AGTPBP1: variants seen among roughly 807,000 people sequenced by gnomAD.
AGTPBP1 encodes ATP/GTP binding carboxypeptidase 1, also known as cytosolic carboxypeptidase 1.
Under a neutral mutation model 143.9 loss-of-function variants are expected in AGTPBP1, and 70 were observed. That is an observed-to-expected ratio of 0.49 (90% CI 0.40 to 0.59). AGTPBP1 has a LOEUF of 0.59. AGTPBP1 is among the 20% of genes least tolerant of loss of function. The pLI is 0.00. For missense variants in AGTPBP1, 1,229 were observed against 1,464.5 expected, an observed-to-expected ratio of 0.84 and a Z score of 2.62; for synonymous variants, 463 against 500.2, an observed-to-expected ratio of 0.93 and a Z score of 0.99.
the AGTPBP1 span, among the ~76,000 whole-genome samples, chr9:85,760,964 T>C: frequency 7.9e-5 from 12 of 152,280 alleles, no homozygotes; most frequent in East Asian, 9.7e-4. Context: ...AGCATTCTTA[T>C]ACACCAATAA....
chr9:85,783,010 G>A, the AGTPBP1 span, among the ~76,000 whole-genome samples: 3 of 152,134 alleles, frequency 2.0e-5, no homozygotes, highest in Admixed American at 6.5e-5. Context: ...TGAGGTATCT[G>A]ATATTAGACA....
the AGTPBP1 span, chr9:85,793,392 TACA>T: frequency 6.6e-6 from 1 of 152,174 alleles, no homozygotes; most frequent in Non-Finnish European, 1.5e-5. Context: ...AGCTCCTAAA[TACA>T]ACAAGTGTAT....
the AGTPBP1 span, among the ~76,000 whole-genome samples, chr9:85,796,171 T>C: frequency 6.6e-6 from 1 of 152,146 alleles, no homozygotes; most frequent in Non-Finnish European, 1.5e-5. Flanking sequence ...CATACATACA[T>C]ACATATATAC....
At chr9:85,766,416 A>G in the AGTPBP1 span, among the ~76,000 whole-genome samples, 10 of 152,314 alleles carry the variant, frequency 6.6e-5, no homozygotes, top group Admixed American at 5.2e-4. Flanking sequence ...TAGACAGAAC[A>G]TCTTTGAATA....
At chr9:85,757,578 G>A in the AGTPBP1 span, among the ~76,000 whole-genome samples, 1 of 152,154 alleles carries the variant, frequency 6.6e-6, no homozygotes, top group Non-Finnish European at 1.5e-5. Flanking sequence ...TACCTAGAGA[G>A]ACACAAATGA....
At chr9:85,775,170 G>A in the AGTPBP1 span, among the ~76,000 whole-genome samples, 1 of 152,038 alleles carries the variant, frequency 6.6e-6, no homozygotes, top group South Asian at 2.1e-4. Flanking sequence ...CAAGCGTGGT[G>A]GCACGCACCT....
intron 1 of AGTPBP1, among the ~76,000 whole-genome samples, chr9:85,713,083 C>T (rs1349196969): frequency 1.3e-5 from 2 of 152,194 alleles, no homozygotes; most frequent in African/African-American, 2.4e-5. Flanking sequence ...GTTTAAACAA[C>T]CTTAAATCTC....
At chr9:85,661,161 G>T (rs1322267555) in intron 8 of AGTPBP1, among the ~76,000 whole-genome samples, 188 bp from the exon 9 acceptor site, 1 of 151,802 alleles carries the variant, frequency 6.6e-6, no homozygotes, top group African/African-American at 2.4e-5. Flanking sequence ...AATTGGATAT[G>T]AAAAAGATTG....
At chr9:85,645,448 T>C (rs1311792011) in intron 12 of AGTPBP1, among the ~76,000 whole-genome samples, 2 of 152,182 alleles carry the variant, frequency 1.3e-5, no homozygotes, top group Non-Finnish European at 2.9e-5. Flanking sequence ...GTAGTTTAGA[T>C]TGGCTAACTT....
chr9:85,747,246 A>T, the AGTPBP1 span, among the ~76,000 whole-genome samples: 3 of 152,300 alleles, frequency 2.0e-5, no homozygotes, highest in East Asian at 5.8e-4. Flanking sequence ...GTCTATCCTC[A>T]TGCTAGTATC....
At chr9:85,554,073 C>G (rs1826188315) in intron 25 of AGTPBP1, 1 of 152,210 alleles carries the variant, frequency 6.6e-6, no homozygotes. Context: ...CAGGACTCAG[C>G]ACACAGTTGA....
chr9:85,798,160 C>T, the AGTPBP1 span, among the ~76,000 whole-genome samples: 1 of 151,712 alleles, frequency 6.6e-6, no homozygotes, highest in Non-Finnish European at 1.5e-5. Flanking sequence ...CCTCAGCCTC[C>T]CAAAGTTCTG....
Position 85,619,277 on chromosome 9 carries a change from ATCTCCC to A in AGTPBP1, c.2118_2123del (p.Glu706_Gly707del), listed in dbSNP as rs1261349997. ...CAAATTTGGAGTTAAATTTCAAAAT[ATCTCCC>A]TCTTCTGGAATGGTGTAACTAAATA... On this transcript the variant is annotated inframe_deletion, in exon 16 of 26. Coordinates refer to ENST00000357081, the MANE Select transcript of AGTPBP1 (RefSeq NM_001330701.2). 6.2e-7 allele frequency: 1 copy of A among 1,612,590 alleles called. No homozygotes were observed. Among genetic ancestry groups the A allele is most frequent in the Non-Finnish European group, 8.5e-7 (1 of 1,179,254 alleles).
chr9:85,614,835 T>C lies in AGTPBP1; in HGVS notation c.2335+4148A>G, dbSNP rs73649961. ...ACATGTGTCTAAGAGGTCAAAATAATTGAATTCAAATTCAAAAAGTGAGGA... is the reference window on the plus strand; with the variant it reads ...ACATGTGTCTAAGAGGTCAAAATAACTGAATTCAAATTCAAAAAGTGAGGA... On this transcript the variant is annotated intron_variant, in intron 17 of 25. Transcript: ENST00000357081. 2.5e-3 allele frequency among the ~76,000 whole-genome samples: 385 copies of C among 152,218 alleles called. 2 individuals carry two copies. The highest frequency in any genetic ancestry group is 8.9e-3 in the African/African-American group (371 of 41,556).
chr9:85,561,945 C>T (rs1437803357), intron 25 of AGTPBP1, among the ~76,000 whole-genome samples: 1 of 151,356 alleles, frequency 6.6e-6, no homozygotes, highest in African/African-American at 2.4e-5. Context: ...CAGTTCTCTG[C>T]TTCAGCCTCC....
intron 11 of AGTPBP1, among the ~76,000 whole-genome samples, chr9:85,650,149 C>T (rs1163533755): frequency 6.7e-6 from 1 of 148,456 alleles, no homozygotes; most frequent in Non-Finnish European, 1.5e-5. Context: ...GGTGTCTTCA[C>T]TAAAGAAGCT....
the AGTPBP1 span, among the ~76,000 whole-genome samples, chr9:85,753,690 T>G: frequency 2.0e-5 from 3 of 151,342 alleles, no homozygotes; most frequent in Non-Finnish European, 4.4e-5. Context: ...AGGTGGAGGC[T>G]GCAGTGAGCC....
the AGTPBP1 span, among the ~76,000 whole-genome samples, chr9:85,753,760 AG>A: frequency 1.4e-4 from 2 of 14,386 alleles, no homozygotes; most frequent in East Asian, 3.4e-3. Context: ...CTCAATAAAT[AG>A]ATAGATAGAT....
At chr9:85,572,022 T>G (rs1827523119) in intron 25 of AGTPBP1, among the ~76,000 whole-genome samples, 1 of 70,584 alleles carries the variant, frequency 1.4e-5, no homozygotes, top group Non-Finnish European at 2.3e-5. Context: ...TTTTTTTTTT[T>G]TTTTTTTTTT....
Sources: gnomAD v4.1 joint callset for allele counts (sites outside exome capture counted in the v4.1 genomes callset) on GRCh38, gnomAD v4.1.1 for gene constraint, MANE v1.5 for transcripts, NCBI Gene and HGNC (gene_info 2026-07-23, HGNC 2026-07-21) for gene names.